Variants in ZNF292 observed in about 807,000 individuals in gnomAD.
ZNF292 encodes the protein zinc finger protein 292, also known as 16 zinc-finger domain protein.
A neutral mutation model predicts 217.9 loss-of-function variants in ZNF292; 26 were observed. That is an observed-to-expected ratio of 0.12 (90% CI 0.09 to 0.17). The LOEUF is 0.17. ZNF292 is among the 10% of genes least tolerant of loss of function. The pLI is 1.00. For missense variants in ZNF292, 2,904 were observed against 3,175.2 expected, an observed-to-expected ratio of 0.91 and a Z score of 2.05; for synonymous variants, 1,257 against 1,124.1, an observed-to-expected ratio of 1.12 and a Z score of -2.37.
At position 87,258,089 on chromosome 6, in the gene ZNF292, G is replaced by A. The variant is rs1453952092; in HGVS notation, c.4460G>A (p.Ser1487Asn). 2.5e-6 allele frequency: 4 copies of A among 1,613,488 alleles called. No individual in the cohort carries two copies. ...NFNTSVSQEG[S>N]EIIKQALETA... The stretch of plus-strand genomic sequence containing the variant: ...AATACCAGTGTCAGTCAAGAAGGTA[G>A]TGAAATTATTAAACAGGCTTTGGAA... The change falls in exon 8 of 8, where the codon AGT becomes AAT. Residue 1487 changes from serine (S) to asparagine (N), a missense_variant. Around this residue, in one of 15 missense-constraint regions of ZNF292, gnomAD observed 622 missense variants for 573.1 expected, o/e 1.09. Transcript: ENST00000369577.
In ZNF292 at chr6:87,216,356, A is replaced by G. The variant is rs1486422687; in HGVS notation, c.381A>G (p.Glu127=). The change falls in exon 3 of 8, where the codon GAA becomes GAG. Residue 127 remains glutamate, a synonymous_variant. Transcript: ENST00000369577. ...TTGAGTTATCAGATAAACAGTGGGAACAATTTCAGACACTGGTGCAGGTGA... is the reference window on the plus strand; with the variant it reads ...TTGAGTTATCAGATAAACAGTGGGAGCAATTTCAGACACTGGTGCAGGTGA... ...LPVELSDKQW[E]QFQTLVQVAH... is the part of the protein sequence containing the mutation. 3.2e-6 allele frequency: 5 copies of G among 1,582,990 alleles called. No homozygotes were observed. The South Asian group carries it at 4.6e-5, about 15-fold the overall frequency.
chr6:87,228,227 A>C (rs1318645432), intron 4 of ZNF292, among the ~76,000 whole-genome samples: 1 of 152,074 alleles, frequency 6.6e-6, no homozygotes. Flanking sequence ...TTCGTATGTT[A>C]TCTTTTGAGA....
chr6:87,175,187 T>C (rs1318609147), intron 1 of ZNF292, among the ~76,000 whole-genome samples: 4 of 152,212 alleles, frequency 2.6e-5, no homozygotes, highest in Non-Finnish European at 5.9e-5. Context: ...ACTTCTTCTC[T>C]CCTTATGTGA....
intron 1 of ZNF292, among the ~76,000 whole-genome samples, chr6:87,186,224 G>T (rs1771648403): frequency 6.6e-6 from 1 of 152,168 alleles, no homozygotes; most frequent in African/African-American, 2.4e-5. Flanking sequence ...ATTTTTCTAG[G>T]TTATTAATGG....
At chr6:87,186,612 C>T (rs1771664045) in intron 1 of ZNF292, among the ~76,000 whole-genome samples, 1 of 152,136 alleles carries the variant, frequency 6.6e-6, no homozygotes, top group African/African-American at 2.4e-5. Context: ...GGTGTAGTGG[C>T]TCATGCCTGT....
chr6:87,156,426 T>C (rs1046219382), intron 1 of ZNF292, among the ~76,000 whole-genome samples: 1 of 152,260 alleles, frequency 6.6e-6, no homozygotes, highest in Non-Finnish European at 1.5e-5. Context: ...GCATCACTTC[T>C]GTGGTAAAGC....
At chr6:87,213,684 A>G (rs1202156580) in intron 1 of ZNF292, 1 of 152,296 alleles carries the variant, frequency 6.6e-6, no homozygotes, top group Non-Finnish European at 1.5e-5. Context: ...CAGGGAACAG[A>G]TGTGAACTAC....
chr6:87,205,269 T>C (rs917022149), intron 1 of ZNF292, among the ~76,000 whole-genome samples: 1 of 152,078 alleles, frequency 6.6e-6, no homozygotes, highest in Non-Finnish European at 1.5e-5. Flanking sequence ...AGATGAGGTC[T>C]TGCTATGTTG....
intron 1 of ZNF292, among the ~76,000 whole-genome samples, chr6:87,157,089 T>C (rs1027799207): frequency 1.3e-5 from 2 of 152,238 alleles, no homozygotes; most frequent in African/African-American, 4.8e-5. Context: ...ATTTTCTTTA[T>C]TATGTCGGGG....
Position 87,216,433 on chromosome 6 carries a change from A to C in ZNF292, c.402+56A>C. 3 of 1,311,512 alleles carry C rather than the reference A, an allele frequency of 2.3e-6. No homozygotes were observed. In the South Asian group the frequency reaches 4.1e-5, roughly 18 times the overall value. The allele number at this position is 1,311,512 out of a possible 1,614,324, so 81.2% of individuals were successfully genotyped here. A position where few individuals can be genotyped will look rare whatever the true frequency, so the allele number is the denominator to read the frequency against. ...GGTATATCTTATGTCAGTTTTCCTT[A>C]CTCTTAAAAAAATTATTCAGTTAAA... is the stretch of plus-strand genomic sequence containing the variant. On this transcript the variant is annotated intron_variant, in intron 3 of 7. Transcript: ENST00000369577.
intron 1 of ZNF292, among the ~76,000 whole-genome samples, chr6:87,172,297 A>G (rs1297101780): frequency 6.6e-6 from 1 of 152,204 alleles, no homozygotes; most frequent in Non-Finnish European, 1.5e-5. Context: ...TCTTGCTTTC[A>G]TCCGACTACT....
At position 87,176,608 on chromosome 6, in the gene ZNF292, A is replaced by G. The variant is rs150541381; in HGVS notation, c.168+20849A>G. 2.1e-3 allele frequency among the ~76,000 whole-genome samples: 326 copies of G among 152,216 alleles called. 1 individual carries two copies. The highest frequency in any genetic ancestry group is 7.3e-3 in the African/African-American group (303 of 41,528). On this transcript the variant is annotated intron_variant, in intron 1 of 7. Transcript: ENST00000369577. ...TTTGGGGTAGCATTTACTGAACCCT[A>G]TCACCCTCAATGTTTTCTTCCTTTC...
At chr6:87,246,710 G>A (rs982463096) in intron 7 of ZNF292, among the ~76,000 whole-genome samples, 2 of 151,786 alleles carry the variant, frequency 1.3e-5, no homozygotes, top group African/African-American at 4.8e-5. Context: ...ACTAAAGTAA[G>A]TACAAAAGTT....
At chr6:87,226,655 A>C (rs144393523) in intron 4 of ZNF292, among the ~76,000 whole-genome samples, 61 of 98,410 alleles carry the variant, frequency 6.2e-4, no homozygotes, top group East Asian at 3.8e-3. Context: ...ATCTATATAT[A>C]TATAGATATA....
intron 1 of ZNF292, among the ~76,000 whole-genome samples, chr6:87,161,959 T>C (rs1268568445): frequency 6.6e-6 from 1 of 152,214 alleles, no homozygotes; most frequent in Non-Finnish European, 1.5e-5. Context: ...CCCAAAAGCA[T>C]CTTCTAGCTC....
chr6:87,233,146 G>A (rs537961927), intron 4 of ZNF292, among the ~76,000 whole-genome samples, 179 bp from the exon 5 acceptor site: 3 of 152,160 alleles, frequency 2.0e-5, no homozygotes, highest in South Asian at 4.1e-4. Flanking sequence ...TTAAAAGTTA[G>A]CAATATAATC....
intron 7 of ZNF292, among the ~76,000 whole-genome samples, chr6:87,251,304 A>G (rs943551959): frequency 3.9e-5 from 6 of 152,242 alleles, no homozygotes; most frequent in Non-Finnish European, 8.8e-5. Flanking sequence ...AAAACAGGGT[A>G]AAGCATGATG....
At chr6:87,195,455 T>A (rs1316473130) in intron 1 of ZNF292, among the ~76,000 whole-genome samples, 1 of 152,214 alleles carries the variant, frequency 6.6e-6, no homozygotes, top group Non-Finnish European at 1.5e-5. Context: ...CATACAAAAT[T>A]GTTTTTTAGA....
intron 4 of ZNF292, among the ~76,000 whole-genome samples, chr6:87,220,729 G>A (rs1323454973): frequency 6.6e-6 from 1 of 152,172 alleles, no homozygotes; most frequent in Non-Finnish European, 1.5e-5. Context: ...GCCTAACATT[G>A]TATCTGTTAA....
Sources: allele counts gnomAD v4.1 joint callset (sites outside exome capture counted in the v4.1 genomes callset), GRCh38; gene constraint gnomAD v4.1.1; regional missense constraint gnomAD v4.1.1; transcripts MANE v1.5; gene names NCBI Gene and HGNC (gene_info 2026-07-23, HGNC 2026-07-21).